The following STXBP5L variants were observed in gnomAD, a reference collection of about 807,000 sequenced individuals.
The protein encoded by STXBP5L is syntaxin binding protein 5L.
Under a neutral mutation model 144.5 loss-of-function variants are expected in STXBP5L, and 65 were observed. That is an observed-to-expected ratio of 0.45 (90% CI 0.37 to 0.55). The LOEUF (loss-of-function observed/expected upper bound fraction) is 0.55, where lower values mean the gene tolerates loss of function less well. Among genes scored for constraint, STXBP5L ranks in the 20% least tolerant of loss-of-function variants. STXBP5L has a pLI of 0.00. For missense variants in STXBP5L, 1,298 were observed against 1,405.5 expected, an observed-to-expected ratio of 0.92 and a Z score of 1.22; for synonymous variants, 505 against 469.6, an observed-to-expected ratio of 1.08 and a Z score of -0.97.
intron 14 of STXBP5L, among the ~76,000 whole-genome samples, chr3:121,246,910 TG>T (rs2049872496): frequency 6.6e-6 from 1 of 152,196 alleles, no homozygotes; most frequent in Non-Finnish European, 1.5e-5. Flanking sequence ...AGTAGATTAT[TG>T]GGGATCTACT....
chr3:121,355,015 C>G (rs1196174754), intron 20 of STXBP5L, among the ~76,000 whole-genome samples: 1 of 152,124 alleles, frequency 6.6e-6, no homozygotes, highest in Non-Finnish European at 1.5e-5. Context: ...AATATTGGCT[C>G]CCACTCTCTT....
chr3:121,005,943 A>C (rs1250032964), intron 3 of STXBP5L, among the ~76,000 whole-genome samples: 3 of 152,154 alleles, frequency 2.0e-5, no homozygotes, highest in Admixed American at 6.5e-5. Context: ...CTGTTCTTTT[A>C]CATTTGCTGA....
intron 11 of STXBP5L, among the ~76,000 whole-genome samples, chr3:121,229,632 T>C (rs879639753): frequency 2.6e-5 from 4 of 152,198 alleles, no homozygotes; most frequent in Non-Finnish European, 5.9e-5. Flanking sequence ...CATGGCTCAC[T>C]GCAGCCTCAA....
intron 23 of STXBP5L, among the ~76,000 whole-genome samples, chr3:121,408,941 A>G (rs945330479): frequency 2.6e-5 from 4 of 151,968 alleles, no homozygotes; most frequent in Non-Finnish European, 5.9e-5. Flanking sequence ...TGTTATTAGC[A>G]TATAGGAAAG....
intron 9 of STXBP5L, among the ~76,000 whole-genome samples, chr3:121,162,792 A>T (rs1453644248): frequency 6.6e-6 from 1 of 152,244 alleles, no homozygotes; most frequent in African/African-American, 2.4e-5. Context: ...AAAAGAAGAC[A>T]TTCATGCAAC....
chr3:121,350,045 C>T (rs1576250647), intron 20 of STXBP5L, among the ~76,000 whole-genome samples: 1 of 152,006 alleles, frequency 6.6e-6, no homozygotes, highest in Non-Finnish European at 1.5e-5. Flanking sequence ...TGCAGTTTCT[C>T]CCTAGCCTCA....
chr3:121,124,953 A>C (rs2044637478), intron 7 of STXBP5L, among the ~76,000 whole-genome samples: 1 of 152,196 alleles, frequency 6.6e-6, no homozygotes, highest in Non-Finnish European at 1.5e-5. Flanking sequence ...CTAAGAGTTT[A>C]AAATTATGAA....
chr3:121,183,495 C>A (rs1279036797), intron 9 of STXBP5L, among the ~76,000 whole-genome samples: 1 of 151,750 alleles, frequency 6.6e-6, no homozygotes, highest in African/African-American at 2.4e-5. Flanking sequence ...TGATATACAC[C>A]AACAGTGACC....
At chr3:121,123,624 TG>T (rs1397865369) in intron 7 of STXBP5L, among the ~76,000 whole-genome samples, 1 of 151,586 alleles carries the variant, frequency 6.6e-6, no homozygotes, top group South Asian at 2.1e-4. Flanking sequence ...AGATTGGAAT[TG>T]GGGAAAATGG....
intron 6 of STXBP5L, 21 bp downstream of exon 6, chr3:121,115,080 C>T: frequency 1.3e-6 from 2 of 1,595,846 alleles, no homozygotes; most frequent in Non-Finnish European, 1.7e-6. Flanking sequence ...ACTTGGATAT[C>T]ACTTTATTGG....
chr3:121,105,021 C>G (rs2107793640), intron 5 of STXBP5L, among the ~76,000 whole-genome samples: 1 of 152,136 alleles, frequency 6.6e-6, no homozygotes, highest in Admixed American at 6.6e-5. Context: ...ACAATAAACT[C>G]AAACAAATCA....
At chr3:121,356,319 G>A (rs977006610) in intron 20 of STXBP5L, among the ~76,000 whole-genome samples, 4 of 152,240 alleles carry the variant, frequency 2.6e-5, no homozygotes, top group African/African-American at 9.6e-5. Context: ...AAAGGCAGTA[G>A]GCCTTGCTAA....
At chr3:121,389,207 G>A (rs984704422) in intron 22 of STXBP5L, among the ~76,000 whole-genome samples, 3 of 152,174 alleles carry the variant, frequency 2.0e-5, no homozygotes, top group Admixed American at 6.5e-5. Flanking sequence ...TCTGCTGGTA[G>A]TTTGTATTTC....
intron 5 of STXBP5L, among the ~76,000 whole-genome samples, chr3:121,067,619 T>A (rs1257174095): frequency 6.6e-6 from 1 of 152,208 alleles, no homozygotes; most frequent in Non-Finnish European, 1.5e-5. Context: ...TATGTAAATT[T>A]GACTAAGTTC....
At chr3:121,340,209 T>C (rs1386607249) in intron 20 of STXBP5L, among the ~76,000 whole-genome samples, 8 of 152,158 alleles carry the variant, frequency 5.3e-5, no homozygotes, top group Non-Finnish European at 1.5e-5. Flanking sequence ...AGTAGATACG[T>C]AGACCAATAG....
In STXBP5L at chr3:120,989,522, T is replaced by C. The variant is rs1054524150; in HGVS notation, c.287+34485T>C. Among the ~76,000 whole-genome samples, 5 of 152,170 alleles carry C rather than the reference T, an allele frequency of 3.3e-5. No individual in the cohort carries two copies. In the South Asian group the frequency reaches 8.3e-4, roughly 25 times the overall value. On this transcript the variant is annotated intron_variant, in intron 3 of 26. Transcript: ENST00000471454. ...TTGAGTTGTTTGAATTCCTTGTAGA[T>C]TCTGCATGTGACTTAACCTGTCGGA...
At chr3:121,178,649 G>T (rs985729080) in intron 9 of STXBP5L, among the ~76,000 whole-genome samples, 2 of 152,108 alleles carry the variant, frequency 1.3e-5, no homozygotes, top group African/African-American at 2.4e-5. Context: ...CTCCACTGGG[G>T]AATCTGAAAA....
At chr3:121,070,825 T>C (rs1384668395) in intron 5 of STXBP5L, among the ~76,000 whole-genome samples, 1 of 152,198 alleles carries the variant, frequency 6.6e-6, no homozygotes, top group East Asian at 1.9e-4. Flanking sequence ...CGGGAATACT[T>C]CTGTTTTGTT....
At chr3:121,218,086 A>ATATATAGTATAATATATAATATAC (rs1214452070) in intron 10 of STXBP5L, among the ~76,000 whole-genome samples, 12 of 142,048 alleles carry the variant, frequency 8.4e-5, no homozygotes, top group East Asian at 6.0e-4. Flanking sequence ...ATATAATATA[A>ATATATAGTATAATATATAATATAC]TATATAGTAT....
Sources: allele counts gnomAD v4.1 joint callset (sites outside exome capture counted in the v4.1 genomes callset), GRCh38; gene constraint gnomAD v4.1.1; transcripts MANE v1.5; gene names NCBI Gene and HGNC (gene_info 2026-07-23, HGNC 2026-07-21).